Variants in PLXNA4 observed in about 807,000 individuals in gnomAD.
The protein encoded by PLXNA4 is plexin A4, also known as plexin-A4.
A neutral mutation model predicts 191.8 loss-of-function variants in PLXNA4; 44 were observed. The ratio of observed to expected loss-of-function variants is 0.23; its 90% CI spans 0.18 to 0.29. PLXNA4 has a LOEUF of 0.29. PLXNA4 is among the 10% of genes least tolerant of loss of function. The pLI is 1.00. For synonymous variants in PLXNA4, 1,082 were observed against 1,009.5 expected (o/e 1.07, Z -1.36); for missense variants, 1,800 against 2,488.8 (o/e 0.72, Z 5.89).
chr7:132,549,507 G>T (rs1800460097), intron 1 of PLXNA4, among the ~76,000 whole-genome samples: 1 of 152,182 alleles, frequency 6.6e-6, no homozygotes, highest in African/African-American at 2.4e-5. Flanking sequence ...CAACCCTGGT[G>T]ATGCTGACAC....
chr7:132,358,273 G>A (rs190015742), intron 3 of PLXNA4, among the ~76,000 whole-genome samples: 1 of 152,210 alleles, frequency 6.6e-6, no homozygotes, highest in Admixed American at 6.5e-5. Flanking sequence ...TGTGACTCAG[G>A]TTTCTCATCT....
intron 4 of PLXNA4, among the ~76,000 whole-genome samples, chr7:132,242,633 C>G (rs1798920004): frequency 6.6e-6 from 1 of 152,196 alleles, no homozygotes; most frequent in Admixed American, 6.5e-5. Flanking sequence ...TTTCAAGCAA[C>G]CTTTTAGCTT....
intron 3 of PLXNA4, among the ~76,000 whole-genome samples, chr7:132,358,590 C>T (rs1803805664): frequency 6.6e-6 from 1 of 152,194 alleles, no homozygotes; most frequent in African/African-American, 2.4e-5. Flanking sequence ...ATTATTTACT[C>T]ACAGTTAATT....
intron 3 of PLXNA4, among the ~76,000 whole-genome samples, chr7:132,368,523 G>A (rs932945941): frequency 6.6e-6 from 1 of 152,188 alleles, no homozygotes; most frequent in African/African-American, 2.4e-5. Context: ...GAGGTGGGCT[G>A]TGGTCTCTCC....
At chr7:132,513,311 T>A (rs895370875) in intron 1 of PLXNA4, among the ~76,000 whole-genome samples, 10 of 152,238 alleles carry the variant, frequency 6.6e-5, no homozygotes, top group African/African-American at 2.4e-4. Flanking sequence ...TTACAAAGTG[T>A]TTTCATGGAT....
intron 3 of PLXNA4, among the ~76,000 whole-genome samples, chr7:132,364,740 C>T (rs985959039): frequency 4.6e-5 from 7 of 152,160 alleles, no homozygotes; most frequent in African/African-American, 1.7e-4. Context: ...TCACTATGTT[C>T]GTAGTTTCAT....
At chr7:132,273,838 C>T (rs1413196324) in intron 4 of PLXNA4, among the ~76,000 whole-genome samples, 2 of 152,096 alleles carry the variant, frequency 1.3e-5, no homozygotes, top group Non-Finnish European at 2.9e-5. Context: ...AACTAAAGTC[C>T]AGAAGTCTCA....
At chr7:132,557,774 AC>A (rs1384091378) in intron 1 of PLXNA4, among the ~76,000 whole-genome samples, 1 of 152,140 alleles carries the variant, frequency 6.6e-6, no homozygotes, top group African/African-American at 2.4e-5. Context: ...AAGAATAATC[AC>A]CAAGACATGG....
chr7:132,412,845 A>T (rs1242697129), intron 3 of PLXNA4, among the ~76,000 whole-genome samples: 1 of 152,118 alleles, frequency 6.6e-6, no homozygotes, highest in African/African-American at 2.4e-5. Flanking sequence ...GGCCTGGAGC[A>T]CCGGGGAGGG....
chr7:132,143,839 C>T (rs1038691414), intron 29 of PLXNA4, among the ~76,000 whole-genome samples: 2 of 152,336 alleles, frequency 1.3e-5, no homozygotes, highest in Non-Finnish European at 1.5e-5. Context: ...AACCCCAGAA[C>T]GAAGGTCTTC....
intron 2 of PLXNA4, among the ~76,000 whole-genome samples, chr7:132,593,871 C>T (rs746811681): frequency 8.5e-5 from 13 of 152,336 alleles, no homozygotes; most frequent in Non-Finnish European, 1.3e-4. Flanking sequence ...AACTGGCAAG[C>T]GGTTCCTATG....
intron 3 of PLXNA4, among the ~76,000 whole-genome samples, chr7:132,378,075 A>G (rs922158392): frequency 6.6e-6 from 1 of 152,108 alleles, no homozygotes; most frequent in African/African-American, 2.4e-5. Context: ...CCACCCAACC[A>G]TCACACTCTC....
intron 1 of PLXNA4, among the ~76,000 whole-genome samples, chr7:132,511,548 A>C (rs1303112904): frequency 6.6e-6 from 1 of 152,230 alleles, no homozygotes; most frequent in Non-Finnish European, 1.5e-5. Flanking sequence ...CTGGTAGATA[A>C]CACCGATCAG....
chr7:132,445,160 A>AC (rs1412829122), intron 3 of PLXNA4, among the ~76,000 whole-genome samples: 3 of 124,304 alleles, frequency 2.4e-5, no homozygotes, highest in African/African-American at 1.4e-4. Context: ...ATCTCAGGAA[A>AC]AAAAAAAAAA....
At chr7:132,535,057 A>T (rs1799777268) in intron 1 of PLXNA4, among the ~76,000 whole-genome samples, 2 of 152,344 alleles carry the variant, frequency 1.3e-5, no homozygotes, top group South Asian at 4.1e-4. Flanking sequence ...GGCACTGGTA[A>T]TCAATAAGAA....
At chr7:132,248,118 C>T (rs950788136) in intron 4 of PLXNA4, among the ~76,000 whole-genome samples, 12 of 152,170 alleles carry the variant, frequency 7.9e-5, no homozygotes, top group South Asian at 4.2e-4. Context: ...TGAATGCTTC[C>T]GAAGTGCTTA....
At chr7:132,620,933 T>C (rs1172503801) in intron 2 of PLXNA4, among the ~76,000 whole-genome samples, 1 of 152,168 alleles carries the variant, frequency 6.6e-6, no homozygotes, top group East Asian at 1.9e-4. Flanking sequence ...AAAGGCCTGC[T>C]TCTTGGTTTG....
chr7:132,241,040 C>T (rs754221061), intron 5 of PLXNA4, 26 bp downstream of exon 5: 35 of 1,538,208 alleles, frequency 2.3e-5, no homozygotes, highest in Non-Finnish European at 2.8e-5. Flanking sequence ...GTGGGAGGCA[C>T]GAGGCAGCCT....
intron 3 of PLXNA4, among the ~76,000 whole-genome samples, chr7:132,316,186 T>C (rs1236654792): frequency 6.6e-6 from 1 of 152,174 alleles, no homozygotes; most frequent in Non-Finnish European, 1.5e-5. Flanking sequence ...AACTAAAAAA[T>C]GCGACTCTAT....
Sources: gnomAD v4.1 joint callset for allele counts (sites outside exome capture counted in the v4.1 genomes callset) on GRCh38, gnomAD v4.1.1 for gene constraint, MANE v1.5 for transcripts, NCBI Gene and HGNC (gene_info 2026-07-23, HGNC 2026-07-21) for gene names.